Variants in RTN2 observed in about 807,000 individuals in gnomAD.
RTN2 encodes the protein reticulon-2.
RTN2 carries 36 observed loss-of-function variants against 63.7 expected under a neutral mutation model. That is an observed-to-expected ratio of 0.56 (90% confidence interval 0.43 to 0.75). The LOEUF is 0.75. Among genes scored for constraint, RTN2 ranks in the 30% least tolerant of loss-of-function variants. RTN2 has a pLI of 0.00. For missense variants in RTN2, 673 were observed against 705.1 expected (o/e 0.95, Z 0.52); for synonymous variants, 312 against 313.0 (o/e 1.00, Z 0.03).
chr19:45,486,917 T>C (rs762013902), intron 9 of RTN2, among the ~76,000 whole-genome samples: 3 of 150,638 alleles, frequency 2.0e-5, no homozygotes, highest in Admixed American at 6.6e-5. Flanking sequence ...GGATTTTTAA[T>C]ACAGACAGGG....
chr19:45,489,869 A>T (rs1968116617), intron 5 of RTN2, among the ~76,000 whole-genome samples: 1 of 151,408 alleles, frequency 6.6e-6, no homozygotes, highest in Non-Finnish European at 1.5e-5. Flanking sequence ...CTGTTTTTAG[A>T]GGTAGGTGGC....
At chr19:45,493,450 A>G in intron 4 of RTN2, 72 bp from the exon 5 acceptor site, 1 of 1,165,414 alleles carries the variant, frequency 8.6e-7, no homozygotes, top group Non-Finnish European at 1.3e-6. Flanking sequence ...GTCAGGAAAA[A>G]GAGGGTTTTT....
intron 5 of RTN2, among the ~76,000 whole-genome samples, chr19:45,491,781 C>T (rs965182040): frequency 6.6e-6 from 1 of 151,986 alleles, no homozygotes; most frequent in African/African-American, 2.4e-5. Context: ...CTGCCCACCT[C>T]GACCTCCTAA....
At chr19:45,486,022 C>A in intron 10 of RTN2, 33 bp downstream of exon 10, 1 of 1,606,092 alleles carries the variant, frequency 6.2e-7, no homozygotes, top group Middle Eastern at 1.7e-4. Flanking sequence ...CCCCCACTTC[C>A]CCCTCCCATC....
rs748397131 is a variant in RTN2 at position 45,493,254 on chromosome 19, A to AG, written c.938dup (p.Thr314TyrfsTer31). 4.0e-5 allele frequency: 64 copies of AG among 1,613,158 alleles called. No homozygotes were observed. The highest frequency in any genetic ancestry group is 9.9e-5 in the South Asian group (9 of 91,010). On this transcript the variant is annotated frameshift_variant, in exon 5 of 11. Transcript: ENST00000245923. LOFTEE classifies it high-confidence loss of function. ...TCAGTAGAACCCGGAGGACAGGAGT[A>AG]GGGGGGGTGGGGCCCCTTTGGACCC...
intron 4 of RTN2, 57 bp from the exon 5 acceptor site, chr19:45,493,435 A>G: frequency 1.6e-6 from 2 of 1,250,558 alleles, no homozygotes; most frequent in Non-Finnish European, 2.3e-6. Context: ...TGGCCAATAG[A>G]TGTGGTCAGG....
At chr19:45,495,703 G>T (rs1568626116) in intron 1 of RTN2, among the ~76,000 whole-genome samples, 1 of 152,170 alleles carries the variant, frequency 6.6e-6, no homozygotes, top group Non-Finnish European at 1.5e-5. Context: ...CTTCCAGGTA[G>T]AGAAGAAAGC....
At chr19:45,487,583 G>GTTTTT (rs4031036) in intron 9 of RTN2, among the ~76,000 whole-genome samples, 23 of 105,772 alleles carry the variant, frequency 2.2e-4, no homozygotes, top group African/African-American at 2.6e-4. Flanking sequence ...TTATTTTTTG[G>GTTTTT]TTTTTTTTTT....
chr19:45,489,217 T>G, intron 6 of RTN2, 129 bp downstream of exon 6: 1 of 953,146 alleles, frequency 1.0e-6, no homozygotes, highest in Non-Finnish European at 1.6e-6. Flanking sequence ...GAAGGGTAGG[T>G]TAGGGGATCG....
intron 1 of RTN2, 62 bp downstream of exon 1, chr19:45,496,730 C>T: frequency 8.3e-7 from 1 of 1,207,820 alleles, no homozygotes; most frequent in Non-Finnish European, 1.1e-6. Context: ...CGAGGGGACA[C>T]CGGGGAGTAC....
rs563709067 is a variant in RTN2 at position 45,488,991 on chromosome 19, G to A, written c.1242-5C>T. On this transcript the variant is annotated splice_region_variant and splice_polypyrimidine_tract_variant and intron_variant, in intron 6 of 10. Transcript: ENST00000245923. ...AGGTCCACATCCAGGTAGGCCCTGCGGGGACAAAGGAGTGTGGGGCGACTC... is the reference window on the plus strand; with the variant it reads ...AGGTCCACATCCAGGTAGGCCCTGCAGGGACAAAGGAGTGTGGGGCGACTC... 1.6e-5 allele frequency: 25 copies of A among 1,610,046 alleles called. No homozygotes were observed. The highest frequency in any genetic ancestry group is 6.7e-5 in the Admixed American group (4 of 59,562).
In RTN2 at chr19:45,488,719, G is replaced by C; in HGVS notation, c.1381-13C>G. ...AGAGGAGGGCCAGCTGGGGGTGAAG[G>C]TCAGGGTCAGCAGAGCCCACCGGGA... On this transcript the variant is annotated splice_polypyrimidine_tract_variant and intron_variant, in intron 7 of 10. Transcript: ENST00000245923. The C allele has an allele frequency of 6.2e-7, 1 of 1,611,908 alleles. No homozygotes were observed. The highest frequency in any genetic ancestry group is 8.5e-7 in the Non-Finnish European group (1 of 1,178,886).
Position 45,496,773 on chromosome 19 carries a change from C to A in RTN2, c.34+19G>T. ...GAACCTCTGGGGCCCACACCAGGCCCCAGTCTTCCTCTACTCACTGCAGTG... is the reference window on the plus strand; with the variant it reads ...GAACCTCTGGGGCCCACACCAGGCCACAGTCTTCCTCTACTCACTGCAGTG... On this transcript the variant is annotated intron_variant, in intron 1 of 10. Transcript: ENST00000245923. 7 of 1,499,490 alleles carry A rather than the reference C, an allele frequency of 4.7e-6. No individual in the cohort carries two copies. Among genetic ancestry groups the A allele is most frequent in the Non-Finnish European group, 6.3e-6 (7 of 1,116,226 alleles). The allele number at this position is 1,499,490 out of a possible 1,614,324, so 92.9% of individuals were successfully genotyped here.
chr19:45,492,395 G>A (rs556887846), intron 5 of RTN2, among the ~76,000 whole-genome samples: 1 of 152,186 alleles, frequency 6.6e-6, no homozygotes, highest in South Asian at 2.1e-4. Flanking sequence ...AAAATTAGCA[G>A]GGCGTGGTGG....
chr19:45,489,575 C>T (rs1486779372), intron 5 of RTN2, 22 bp from the exon 6 acceptor site: 30 of 1,563,646 alleles, frequency 1.9e-5, no homozygotes, highest in Non-Finnish European at 2.4e-5. Context: ...TGGGGGGCAT[C>T]AGGGCTTGTA....
rs58982656 is a variant in RTN2, at chr19:45,494,002, T to A, written c.814+164A>T. The A allele has an allele frequency of 3.8e-5, 46 of 1,220,838 alleles. No individual in the cohort carries two copies. The highest frequency in any genetic ancestry group is 1.5e-4 in the African/African-American group (10 of 65,966). The allele number at this position is 1,220,838 out of a possible 1,614,324, so 75.6% of individuals were successfully genotyped here. A position where few individuals can be genotyped will look rare whatever the true frequency, so the allele number is the denominator to read the frequency against. On this transcript the variant is annotated intron_variant, in intron 4 of 10. Coordinates refer to ENST00000245923, the MANE Select transcript of RTN2 (RefSeq NM_005619.5). This position sits in a 1 kb window ranked among gnomAD's most constrained non-coding sequence, Gnocchi z 5.3. ...ACCGCGCCCGGCCGGGGAAATTTTT[T>A]TAAAAAGCGGAGTTTATCACGTCTA...
intron 5 of RTN2, among the ~76,000 whole-genome samples, chr19:45,490,015 ATTTTAT>A (rs1280845186): frequency 1.3e-5 from 2 of 150,424 alleles, no homozygotes; most frequent in Admixed American, 6.6e-5. Flanking sequence ...AAATTATTTT[ATTTTAT>A]TTTTATTTTT....
Position 45,494,712 on chromosome 19 carries a change from C to T in RTN2, c.373G>A (p.Gly125Ser). 2 of 1,613,166 alleles carry T rather than the reference C, an allele frequency of 1.2e-6. No homozygotes were observed. Among genetic ancestry groups the T allele is most frequent in the Non-Finnish European group, 1.7e-6 (2 of 1,179,980 alleles). The change falls in exon 3 of 11, where the codon GGT (glycine) becomes AGT (serine). Residue 125 changes from glycine to serine, a missense_variant. Transcript: ENST00000245923. This position sits in a 1 kb window ranked among gnomAD's most constrained non-coding sequence, Gnocchi z 5.3. Reference sequence around the variant, plus strand: ...GATGGAGGCGCGGTGTCAGGATCACCCCGTCGTCCAGGCTCCGGGGATTGG... The same window carrying T: ...GATGGAGGCGCGGTGTCAGGATCACTCCGTCGTCCAGGCTCCGGGGATTGG... Reference protein sequence around the residue: ...LSQSPEPGRRGDPDTAPPSER... With the variant: ...LSQSPEPGRRSDPDTAPPSER...
chr19:45,492,869 C>T (rs948891525), intron 5 of RTN2, among the ~76,000 whole-genome samples: 7 of 152,136 alleles, frequency 4.6e-5, no homozygotes, highest in African/African-American at 1.7e-4. Flanking sequence ...AGGGGGCCTC[C>T]CCGCAGCTGT....
Sources: gnomAD v4.1 joint callset for allele counts (sites outside exome capture counted in the v4.1 genomes callset) on GRCh38, gnomAD v4.1.1 for gene constraint, Gnocchi (gnomAD v3.1) non-coding constraint, MANE v1.5 for transcripts, NCBI Gene and HGNC (gene_info 2026-07-23, HGNC 2026-07-21) for gene names.